NRF1: variants seen among roughly 807,000 people sequenced by gnomAD.
The protein encoded by NRF1 is nuclear respiratory factor 1, also known as alpha palindromic-binding protein.
In NRF1, 5 loss-of-function variants were observed where a neutral mutation model predicts 58.5. That is an observed-to-expected ratio of 0.09 (90% CI 0.04 to 0.18). The LOEUF is 0.18. Among genes scored for constraint, NRF1 ranks in the 10% least tolerant of loss-of-function variants. NRF1 has a pLI of 1.00. For synonymous variants in NRF1, 224 were observed against 246.7 expected, an observed-to-expected ratio of 0.91 and a Z score of 0.86; for missense variants, 288 against 657.7, an observed-to-expected ratio of 0.44 and a Z score of 6.15.
At chr7:129,626,896 A>C (rs1584585223) in intron 1 of NRF1, among the ~76,000 whole-genome samples, 1 of 152,222 alleles carries the variant, frequency 6.6e-6, no homozygotes, top group South Asian at 2.1e-4. Flanking sequence ...TGTACATCTA[A>C]TGATTTTCAT....
chr7:129,700,258 A>C (rs941969909), intron 5 of NRF1, among the ~76,000 whole-genome samples: 1 of 152,192 alleles, frequency 6.6e-6, no homozygotes, highest in Admixed American at 6.5e-5. Flanking sequence ...TTTTGCCATT[A>C]TTTTACAAAA....
rs369034477 is a variant in NRF1 at position 129,650,364 on chromosome 7, C to T, written c.-6-6982C>T. On this transcript the variant is annotated intron_variant, in intron 1 of 10. Transcript: ENST00000393232. ...CCATCTGCTGCCTCTTCATTTTGTG[C>T]ACTGTTGTGAAATTATGCTAGGGGC... Among the ~76,000 whole-genome samples, 9 of 152,120 alleles carry T rather than the reference C, an allele frequency of 5.9e-5. No individual in the cohort carries two copies. In the East Asian group the frequency reaches 9.7e-4, roughly 16 times the overall value.
chr7:129,664,725 C>T (rs1432166941), intron 2 of NRF1, among the ~76,000 whole-genome samples: 2 of 152,152 alleles, frequency 1.3e-5, no homozygotes, highest in African/African-American at 4.8e-5. Flanking sequence ...TAATTTGACC[C>T]CTTTGTGTGG....
chr7:129,715,322 G>T (rs1445174093), intron 8 of NRF1, among the ~76,000 whole-genome samples: 1 of 152,142 alleles, frequency 6.6e-6, no homozygotes, highest in Non-Finnish European at 1.5e-5. Flanking sequence ...CACAACCAAG[G>T]ATACCTGGGC....
intron 1 of NRF1, among the ~76,000 whole-genome samples, chr7:129,652,686 G>A (rs1217164900): frequency 2.6e-5 from 4 of 152,234 alleles, no homozygotes; most frequent in East Asian, 3.9e-4. Context: ...CGCCTTCCGG[G>A]TTCACGCCAT....
intron 1 of NRF1, among the ~76,000 whole-genome samples, chr7:129,622,033 G>A (rs372115699): frequency 4.0e-5 from 6 of 151,852 alleles, no homozygotes; most frequent in South Asian, 2.1e-4. Context: ...TGCCCGCCTC[G>A]GCCTCCCAAA....
At chr7:129,700,843 G>T (rs1488389835) in intron 5 of NRF1, among the ~76,000 whole-genome samples, 1 of 152,134 alleles carries the variant, frequency 6.6e-6, no homozygotes, top group African/African-American at 2.4e-5. Context: ...TTGAGCCCAG[G>T]AGTTCAAGGC....
chr7:129,640,427 A>T (rs1174998886), intron 1 of NRF1, among the ~76,000 whole-genome samples: 1 of 151,950 alleles, frequency 6.6e-6, no homozygotes, highest in Non-Finnish European at 1.5e-5. Flanking sequence ...CTGAGGCAGG[A>T]GGGTCCCAGG....
intron 9 of NRF1, among the ~76,000 whole-genome samples, chr7:129,721,687 T>C (rs897240850): frequency 1.3e-5 from 2 of 152,088 alleles, no homozygotes; most frequent in Non-Finnish European, 2.9e-5. Context: ...TTCACTGTGT[T>C]AGCCAGGATG....
chr7:129,754,400 T>C (rs58736446), intron 10 of NRF1, among the ~76,000 whole-genome samples: 135,485 of 147,614 alleles, frequency 0.92, 62,211 homozygotes, highest in East Asian at 0.93. Context: ...GAGTTCGAGG[T>C]TGCAGTGAGC....
At chr7:129,642,483 A>G (rs1801312504) in intron 1 of NRF1, among the ~76,000 whole-genome samples, 1 of 152,224 alleles carries the variant, frequency 6.6e-6, no homozygotes, top group African/African-American at 2.4e-5. Flanking sequence ...AAAAATGTTA[A>G]TAACATGGAA....
At chr7:129,680,141 C>A (rs1236114872) in intron 4 of NRF1, among the ~76,000 whole-genome samples, 3 of 152,124 alleles carry the variant, frequency 2.0e-5, no homozygotes, top group Non-Finnish European at 4.4e-5. Flanking sequence ...AAATGTCCAA[C>A]AAGCACATGA....
chr7:129,730,658 G>A (rs1361365898), intron 10 of NRF1, among the ~76,000 whole-genome samples: 2 of 151,924 alleles, frequency 1.3e-5, no homozygotes, highest in Admixed American at 1.3e-4. Flanking sequence ...GTATCCTAGG[G>A]GATGGTGTTT....
intron 4 of NRF1, among the ~76,000 whole-genome samples, chr7:129,687,052 TAAA>T (rs1390639007): frequency 6.6e-6 from 1 of 152,184 alleles, no homozygotes. Flanking sequence ...TATACATATA[TAAA>T]AAGGAAAATG....
intron 9 of NRF1, among the ~76,000 whole-genome samples, chr7:129,725,670 A>G (rs1174106077): frequency 6.6e-6 from 1 of 152,186 alleles, no homozygotes; most frequent in African/African-American, 2.4e-5. Context: ...AGAAGGAAAT[A>G]ATTATGATAT....
intron 4 of NRF1, among the ~76,000 whole-genome samples, chr7:129,683,308 T>A (rs1344659560): frequency 0.014 from 1,937 of 142,856 alleles, 41 homozygotes; most frequent in African/African-American, 0.046. Flanking sequence ...TGTGTGTGTG[T>A]GTGTGTGTGT....
intron 10 of NRF1, among the ~76,000 whole-genome samples, chr7:129,748,744 A>G (rs1186128332): frequency 6.6e-6 from 1 of 152,270 alleles, no homozygotes; most frequent in Non-Finnish European, 1.5e-5. Flanking sequence ...ATACTTATTC[A>G]TCCAATAATA....
chr7:129,720,486 A>G (rs1473097409), intron 9 of NRF1, among the ~76,000 whole-genome samples: 1 of 152,178 alleles, frequency 6.6e-6, no homozygotes, highest in East Asian at 1.9e-4. Flanking sequence ...TGTTCCTATG[A>G]TGACAAAGCA....
At chr7:129,647,823 TGTTA>T (rs1026207668) in intron 1 of NRF1, among the ~76,000 whole-genome samples, 17 of 152,258 alleles carry the variant, frequency 1.1e-4, no homozygotes, top group Non-Finnish European at 1.6e-4. Flanking sequence ...CATACAATTT[TGTTA>T]GTTTTAGATG....
Sources: allele counts gnomAD v4.1 joint callset (sites outside exome capture counted in the v4.1 genomes callset), GRCh38; gene constraint gnomAD v4.1.1; transcripts MANE v1.5; gene names NCBI Gene and HGNC (gene_info 2026-07-23, HGNC 2026-07-21).